Variants in ETS2 observed in about 807,000 individuals in gnomAD.
The protein encoded by ETS2 is ETS proto-oncogene 2, transcription factor, also known as protein C-ets-2.
ETS2 carries 19 observed loss-of-function variants against 54.9 expected under a neutral mutation model. The ratio of observed to expected loss-of-function variants is 0.35; its 90% CI spans 0.24 to 0.51. The LOEUF is 0.51. ETS2 is among the 20% of genes least tolerant of loss of function. The pLI is 0.97. For synonymous variants in ETS2, 219 were observed against 229.3 expected (o/e 0.95, Z 0.41); for missense variants, 417 against 593.0 (o/e 0.70, Z 3.08).
chr21:38,819,889 A>G, intron 8 of ETS2, 123 bp downstream of exon 8: 4 of 933,196 alleles, frequency 4.3e-6, no homozygotes, highest in Non-Finnish European at 3.1e-6. Context: ...AGTGCTCTAC[A>G]CTCCATGTTT....
At position 38,822,683 on chromosome 21, in the gene ETS2, C is replaced by T. The variant is rs1421624560; in HGVS notation, c.1204C>T (p.Arg402Trp). 1.9e-6 allele frequency: 3 copies of T among 1,613,086 alleles called. No individual in the cohort carries two copies. The highest frequency in any genetic ancestry group is 2.5e-6 in the Non-Finnish European group (3 of 1,179,538). ...KLADPDEVAR[R>W]WGKRKNKPKM... Reference sequence around the variant, plus strand: ...TCCATGTTCACCAAAGGTGGCCCGCCGGTGGGGAAAGAGGAAAAATAAGCC... The same window carrying T: ...TCCATGTTCACCAAAGGTGGCCCGCTGGTGGGGAAAGAGGAAAAATAAGCC... The change falls in exon 10 of 10, where the codon CGG becomes TGG. Residue 402 changes from arginine (R) to tryptophan (W), a missense_variant. Arg to Trp is a moderately radical substitution (Grantham distance 101). Coordinates refer to ENST00000360938, the MANE Select transcript of ETS2 (RefSeq NM_005239.6).
intron 5 of ETS2, among the ~76,000 whole-genome samples, chr21:38,816,791 T>C (rs542510514): frequency 1.3e-5 from 2 of 152,358 alleles, no homozygotes; most frequent in African/African-American, 4.8e-5. Flanking sequence ...TCATTCATTT[T>C]GGAAAATTTA....
At chr21:38,809,975 A>G in intron 1 of ETS2, 60 bp from the exon 2 acceptor site, 2 of 1,099,672 alleles carry the variant, frequency 1.8e-6, no homozygotes, top group South Asian at 3.0e-5. Flanking sequence ...GATGCCACCA[A>G]TGATGAGTTT....
In ETS2 at chr21:38,819,492, G is replaced by T. The variant is rs1569025687; in HGVS notation, c.812-11G>T. Reference sequence around the variant, plus strand: ...GAGGAATCAAAGTATGTGTTTGGTTGTCTTTGCCAGGGACTCCCAAAGACC... The same window carrying T: ...GAGGAATCAAAGTATGTGTTTGGTTTTCTTTGCCAGGGACTCCCAAAGACC... On this transcript the variant is annotated splice_polypyrimidine_tract_variant and intron_variant, in intron 7 of 9. Coordinates refer to ENST00000360938, the MANE Select transcript of ETS2 (RefSeq NM_005239.6). 9 of 1,613,232 alleles carry T rather than the reference G, an allele frequency of 5.6e-6. No homozygotes were observed. The highest frequency in any genetic ancestry group is 5.1e-6 in the Non-Finnish European group (6 of 1,179,234).
chr21:38,812,213 T>G (rs2060916386), intron 2 of ETS2, among the ~76,000 whole-genome samples: 1 of 145,384 alleles, frequency 6.9e-6, no homozygotes, highest in East Asian at 1.9e-4. Flanking sequence ...TTTCATTGTT[T>G]GATTTTTCAG....
At chr21:38,815,994 GGAAGGAAGGAAGGAA>G (rs1569023911) in intron 5 of ETS2, among the ~76,000 whole-genome samples, 13 of 184 alleles carry the variant, frequency 0.071, 2 homozygotes, top group African/African-American at 0.14. Flanking sequence ...AAGGAAGGAA[GGAAGGAAGGAAGGAA>G]GGAGGGAGGG....
Position 38,814,454 on chromosome 21 carries a change from G to A in ETS2, c.304+62G>A. On this transcript the variant is annotated intron_variant, in intron 4 of 9. Coordinates refer to ENST00000360938, the MANE Select transcript of ETS2 (RefSeq NM_005239.6). The surrounding 1 kb of genome is among the most constrained non-coding windows in gnomAD (Gnocchi z 4.2). ...AGAACCAACTTCAGTGCAGTTGTTT[G>A]ATCTTGACTTGTTTATTAAGCTTTT... 1 of 1,590,302 alleles carries A rather than the reference G, an allele frequency of 6.3e-7. No individual in the cohort carries two copies. The highest frequency in any genetic ancestry group is 8.6e-7 in the Non-Finnish European group (1 of 1,165,296).
Position 38,806,484 on chromosome 21 carries a change from G to A in ETS2, c.-1+364G>A, listed in dbSNP as rs2060893636. The A allele has an allele frequency of 1.0e-6, 1 of 985,388 alleles. No homozygotes were observed. Among genetic ancestry groups the A allele is most frequent in the Non-Finnish European group, 1.2e-6 (1 of 829,996 alleles). The allele number at this position is 985,388 out of a possible 1,614,324, so 61.0% of individuals were successfully genotyped here. A position where few individuals can be genotyped will look rare whatever the true frequency, so the allele number is the denominator to read the frequency against. On this transcript the variant is annotated intron_variant, in intron 1 of 9. Coordinates refer to ENST00000360938, the MANE Select transcript of ETS2 (RefSeq NM_005239.6). The surrounding 1 kb of genome is among the most constrained non-coding windows in gnomAD (Gnocchi z 4.3). ...GGCCTGGTAGGGGGTCCTGCCCAGT[G>A]GATGTCCCGGCGAACATGATTTCGC...
In ETS2 at chr21:38,817,102, T is replaced by C. The variant is rs762953188; in HGVS notation, c.589+11T>C. ...ACAGCAATACATTAGGTCAGTCCGA[T>C]TGATTCTGCCCTTAAGAACTTTGTC... On this transcript the variant is annotated intron_variant, in intron 6 of 9. Transcript: ENST00000360938. 1.5e-5 allele frequency: 24 copies of C among 1,561,172 alleles called. No homozygotes were observed. The highest frequency in any genetic ancestry group is 1.0e-4 in the Admixed American group (6 of 59,794).
upstream of ETS2, chr21:38,805,375 T>C (rs1029472030): frequency 8.5e-6 from 11 of 1,288,804 alleles, no homozygotes; most frequent in African/African-American, 1.5e-5. The surrounding 1 kb of genome is among the most constrained non-coding windows in gnomAD (Gnocchi z 5.2). Context: ...CAGGGCCTTA[T>C]TACCCAAGCC....
chr21:38,821,700 A>G lies in ETS2; in HGVS notation c.1190A>G (p.Asp397Gly). The G allele has an allele frequency of 6.2e-7, 1 of 1,606,162 alleles. No homozygotes were observed. The highest frequency in any genetic ancestry group is 8.5e-7 in the Non-Finnish European group (1 of 1,172,804). ...DGWEFKLADPDEVARRWGKRK... is the reference protein window; with the variant it reads ...DGWEFKLADPGEVARRWGKRK... ...TGGGAGTTTAAGCTCGCCGACCCCG[A>G]TGAGGTATGGCCAGAGCCCTGGGAA... The change falls in exon 9 of 10, where the codon GAT becomes GGT. Residue 397 changes from aspartate (D) to glycine (G), a missense_variant. Physicochemically the swap from Asp to Gly is moderately conservative, Grantham distance 94. Coordinates refer to ENST00000360938, the MANE Select transcript of ETS2 (RefSeq NM_005239.6). This position sits in a 1 kb window ranked among gnomAD's most constrained non-coding sequence, Gnocchi z 4.2.
At chr21:38,822,528 C>A in intron 9 of ETS2, 146 bp from the exon 10 acceptor site, 2 of 663,702 alleles carry the variant, frequency 3.0e-6, no homozygotes, top group Non-Finnish European at 2.6e-6. Flanking sequence ...CAGAGGTACT[C>A]AAAAGGTCCT....
At position 38,817,068 on chromosome 21, in the gene ETS2, A is replaced by G. The variant is rs1271400216; in HGVS notation, c.566A>G (p.His189Arg). The change falls in exon 6 of 10, where the codon CAT becomes CGT. Residue 189 changes from histidine to arginine, a missense_variant. This residue lies in a region of ETS2 where 326 missense variants were observed against 426.1 expected (regional missense o/e 0.76). Transcript: ENST00000360938. ...EENSHLTSVPHWINSNTLGFG... is the reference protein window; with the variant it reads ...EENSHLTSVPRWINSNTLGFG... ...AATTCACACCTCACCTCCGTTCCTC[A>G]TTGGATTAACAGCAATACATTAGGT... The G allele has an allele frequency of 1.2e-6, 2 of 1,610,498 alleles. No individual in the cohort carries two copies. Among genetic ancestry groups the G allele is most frequent in the African/African-American group, 1.3e-5 (1 of 74,854 alleles).
intron 8 of ETS2, among the ~76,000 whole-genome samples, chr21:38,820,254 G>A (rs2060952451): frequency 6.6e-6 from 1 of 152,168 alleles, no homozygotes; most frequent in African/African-American, 2.4e-5. Flanking sequence ...TTTAGAAACA[G>A]GTATTTCCAG....
Position 38,806,083 on chromosome 21 carries a change from C to G in ETS2, c.-38C>G, listed in dbSNP as rs1309803276. ...GCAGCCGCGGGCGCCGAGCAGCCACCGTCCCGACCAAGCGCCGGCCCTGCC... is the reference window on the plus strand; with the variant it reads ...GCAGCCGCGGGCGCCGAGCAGCCACGGTCCCGACCAAGCGCCGGCCCTGCC... On this transcript the variant is annotated 5_prime_UTR_variant, in exon 1 of 10. Coordinates refer to ENST00000360938, the MANE Select transcript of ETS2 (RefSeq NM_005239.6). The surrounding 1 kb of genome is among the most constrained non-coding windows in gnomAD (Gnocchi z 4.3). 33 of 1,102,490 alleles carry G rather than the reference C, an allele frequency of 3.0e-5. No homozygotes were observed. Among genetic ancestry groups the G allele is most frequent in the Non-Finnish European group, 3.7e-5 (33 of 901,154 alleles). The allele number at this position is 1,102,490 out of a possible 1,614,324, so 68.3% of individuals were successfully genotyped here.
At position 38,813,132 on chromosome 21, in the gene ETS2, C is replaced by T. The variant is rs1569022620; in HGVS notation, c.184+18C>T. On this transcript the variant is annotated intron_variant, in intron 3 of 9. Coordinates refer to ENST00000360938, the MANE Select transcript of ETS2 (RefSeq NM_005239.6). ...TTCTCATGGTAATTGGTTCCTCAGA[C>T]TTGACAAATTGTGCATGATTTTCCT... 6.7e-7 allele frequency: 1 copy of T among 1,486,578 alleles called. No homozygotes were observed. The highest frequency in any genetic ancestry group is 1.7e-5 in the Admixed American group (1 of 59,802). 92.1% of individuals were successfully genotyped at this position (1,486,578 alleles called of 1,614,324 possible).
Position 38,814,788 on chromosome 21 carries a change from G to T in ETS2, c.312G>T (p.Trp104Cys). The part of the protein sequence containing the change: ...QRRLGIPKNP[W>C]LWSEQQVCQW... ...TTTCTTCTCTCCTGGTAGACCCCTG[G>T]CTGTGGAGTGAGCAACAGGTATGCC... Residue 104 changes from tryptophan (W) to cysteine (C), a missense_variant, in exon 5 of 10, where the codon TGG becomes TGT. This residue lies in a region of ETS2 where 326 missense variants were observed against 426.1 expected (regional missense o/e 0.76). Coordinates refer to ENST00000360938, the MANE Select transcript of ETS2 (RefSeq NM_005239.6). The surrounding 1 kb of genome is among the most constrained non-coding windows in gnomAD (Gnocchi z 4.2). 1 of 1,614,052 alleles carries T rather than the reference G, an allele frequency of 6.2e-7. No homozygotes were observed.
At chr21:38,813,915 C>G (rs75102785) in intron 3 of ETS2, among the ~76,000 whole-genome samples, 2 of 152,334 alleles carry the variant, frequency 1.3e-5, no homozygotes, top group East Asian at 3.9e-4. Context: ...GAAGTGACTT[C>G]CAAATGATAC....
At chr21:38,805,381 A>C, upstream of ETS2, 1 of 1,288,892 alleles carries the variant, frequency 7.8e-7, no homozygotes, top group Non-Finnish European at 1.0e-6. The surrounding 1 kb of genome is among the most constrained non-coding windows in gnomAD (Gnocchi z 5.2). Flanking sequence ...CTTATTACCC[A>C]AGCCCGGCTG....
Sources: allele counts gnomAD v4.1 joint callset (sites outside exome capture counted in the v4.1 genomes callset), GRCh38; gene constraint gnomAD v4.1.1; regional missense constraint gnomAD v4.1.1; non-coding constraint Gnocchi (gnomAD v3.1); transcripts MANE v1.5; gene names NCBI Gene and HGNC (gene_info 2026-07-23, HGNC 2026-07-21).